Variants in ARHGEF3 observed in about 807,000 individuals in gnomAD.
The protein encoded by ARHGEF3 is Rho guanine nucleotide exchange factor 3, also known as 59.8 kDA protein.
Under a neutral mutation model 63.2 loss-of-function variants are expected in ARHGEF3, and 28 were observed. The ratio of observed to expected loss-of-function variants is 0.44; its 90% CI spans 0.33 to 0.61. ARHGEF3 has a LOEUF of 0.61. ARHGEF3 is among the 20% of genes least tolerant of loss of function. ARHGEF3 has a pLI of 0.03. For missense variants in ARHGEF3, 533 were observed against 659.3 expected (o/e 0.81, Z 2.10); for synonymous variants, 266 against 254.2 (o/e 1.05, Z -0.44).
chr3:56,990,456 C>T (rs1701706461), intron 2 of ARHGEF3, among the ~76,000 whole-genome samples: 1 of 152,162 alleles, frequency 6.6e-6, no homozygotes, highest in African/African-American at 2.4e-5. Context: ...TGGTGACGTG[C>T]ACGTGTAATC....
chr3:56,880,551 G>T (rs1411659863), intron 4 of ARHGEF3, among the ~76,000 whole-genome samples: 1 of 152,126 alleles, frequency 6.6e-6, no homozygotes, highest in Non-Finnish European at 1.5e-5. Context: ...GTAAGACAAG[G>T]CATAATCTTA....
intron 4 of ARHGEF3, among the ~76,000 whole-genome samples, chr3:56,857,619 A>G (rs1313850486): frequency 2.6e-5 from 4 of 152,208 alleles, no homozygotes; most frequent in African/African-American, 9.6e-5. Flanking sequence ...AAGCATCTCT[A>G]TCTAAGGCTC....
At chr3:57,071,720 G>A (rs1415251183) in intron 1 of ARHGEF3, among the ~76,000 whole-genome samples, 3 of 151,066 alleles carry the variant, frequency 2.0e-5, no homozygotes, top group African/African-American at 7.3e-5. Context: ...TCAGGCAAAG[G>A]TTTCTTACGT....
At chr3:56,752,199 G>C (rs1330825858) in intron 4 of ARHGEF3, among the ~76,000 whole-genome samples, 2 of 151,472 alleles carry the variant, frequency 1.3e-5, no homozygotes, top group Non-Finnish European at 2.9e-5. Context: ...GGGATTACAG[G>C]CGTGAGCCAC....
At chr3:56,909,463 C>T (rs536678039) in intron 3 of ARHGEF3, among the ~76,000 whole-genome samples, 1 of 152,246 alleles carries the variant, frequency 6.6e-6, no homozygotes. Context: ...TGTGGCCTCT[C>T]CCTGCTGCCA....
intron 2 of ARHGEF3, among the ~76,000 whole-genome samples, 168 bp from the exon 3 acceptor site, chr3:56,755,319 G>A (rs1438814221): frequency 6.6e-6 from 1 of 152,200 alleles, no homozygotes; most frequent in Non-Finnish European, 1.5e-5. Flanking sequence ...TACGTGCTAA[G>A]GAAAATTGGA....
chr3:56,906,055 G>A (rs575285704), intron 3 of ARHGEF3, among the ~76,000 whole-genome samples: 3 of 152,052 alleles, frequency 2.0e-5, no homozygotes, highest in South Asian at 4.2e-4. Context: ...AGTAGAGATC[G>A]GGTTTCATCA....
chr3:56,938,491 A>G (rs1169224232), intron 3 of ARHGEF3: 1 of 152,236 alleles, frequency 6.6e-6, no homozygotes, highest in Non-Finnish European at 1.5e-5. Flanking sequence ...CACCTAACAC[A>G]GACAAGAAGG....
At chr3:56,976,137 G>A (rs1342347009) in intron 2 of ARHGEF3, among the ~76,000 whole-genome samples, 8 of 152,104 alleles carry the variant, frequency 5.3e-5, no homozygotes, top group Non-Finnish European at 1.0e-4. Flanking sequence ...CACCTCCTGC[G>A]TTCAAGCAAT....
At chr3:56,913,357 AT>A (rs2041904005) in intron 3 of ARHGEF3, among the ~76,000 whole-genome samples, 1 of 152,244 alleles carries the variant, frequency 6.6e-6, no homozygotes, top group South Asian at 2.1e-4. Flanking sequence ...TTGAACAGAC[AT>A]TTCTGCAAAG....
intron 3 of ARHGEF3, among the ~76,000 whole-genome samples, chr3:56,929,942 C>A (rs1471931418): frequency 6.6e-6 from 1 of 152,152 alleles, no homozygotes; most frequent in Non-Finnish European, 1.5e-5. Flanking sequence ...ATGCAACTGA[C>A]AATGCTTTTG....
At chr3:56,970,248 A>C (rs892865701) in intron 2 of ARHGEF3, among the ~76,000 whole-genome samples, 6 of 152,238 alleles carry the variant, frequency 3.9e-5, no homozygotes, top group Admixed American at 1.3e-4. Context: ...ATTCTACTAC[A>C]ATTTTTGAAA....
chr3:56,839,391 A>C (rs972732241), intron 4 of ARHGEF3, among the ~76,000 whole-genome samples: 5 of 152,162 alleles, frequency 3.3e-5, no homozygotes, highest in Non-Finnish European at 5.9e-5. Flanking sequence ...AACTCACAGA[A>C]CAACATTTTG....
At chr3:56,985,034 T>C (rs764228456) in intron 2 of ARHGEF3, among the ~76,000 whole-genome samples, 3 of 152,236 alleles carry the variant, frequency 2.0e-5, no homozygotes, top group African/African-American at 7.2e-5. Flanking sequence ...GGCCTATGAA[T>C]GCTTCTGAAG....
At chr3:56,996,544 A>G (rs1701993739) in intron 2 of ARHGEF3, among the ~76,000 whole-genome samples, 1 of 152,206 alleles carries the variant, frequency 6.6e-6, no homozygotes, top group Admixed American at 6.5e-5. Context: ...ACACAGTGAG[A>G]AGGCACCATC....
chr3:56,916,498 T>C (rs1213747528), intron 3 of ARHGEF3: 1 of 1,378,898 alleles, frequency 7.3e-7, no homozygotes, highest in East Asian at 2.8e-5. Context: ...GGCCATCAGT[T>C]ACAAGTGTCA....
intron 3 of ARHGEF3, among the ~76,000 whole-genome samples, chr3:56,895,257 C>T (rs1025649939): frequency 3.9e-5 from 6 of 152,240 alleles, no homozygotes; most frequent in Middle Eastern, 3.4e-3. Context: ...TACGGACTAT[C>T]GCCAAGAGCA....
In ARHGEF3 at chr3:56,746,549, G is replaced by A. The variant is rs554855311; in HGVS notation, c.613-1087C>T. Among the ~76,000 whole-genome samples the A allele has an allele frequency of 2.1e-3, 312 of 152,140 alleles. 3 individuals are homozygous for A. The highest frequency in any genetic ancestry group is 3.1e-3 in the Non-Finnish European group (209 of 68,006). On this transcript the variant is annotated intron_variant, in intron 6 of 9. Transcript: ENST00000296315. ...GTTTAAGACCAGCCTGGCCAGCATG[G>A]TGAAACCCCATCTCTACTAAAAATA...
chr3:56,771,494 C>T (rs1476180645), intron 2 of ARHGEF3, among the ~76,000 whole-genome samples: 2 of 152,122 alleles, frequency 1.3e-5, no homozygotes, highest in Non-Finnish European at 2.9e-5. Flanking sequence ...ACCAACTAGG[C>T]AAGGCAATGA....
Sources: allele counts gnomAD v4.1 joint callset (sites outside exome capture counted in the v4.1 genomes callset), GRCh38; gene constraint gnomAD v4.1.1; transcripts MANE v1.5; gene names NCBI Gene and HGNC (gene_info 2026-07-23, HGNC 2026-07-21).